SIAH3: variants seen among roughly 807,000 people sequenced by gnomAD.
SIAH3 encodes siah E3 ubiquitin protein ligase family member 3.
A neutral mutation model predicts 12.6 loss-of-function variants in SIAH3; 9 were observed. The ratio of observed to expected loss-of-function variants is 0.72; its 90% confidence interval spans 0.43 to 1.25. The LOEUF is 1.25. Among genes scored for constraint, SIAH3 ranks in the 50% most tolerant of loss-of-function variants. SIAH3 has a pLI of 0.00. For synonymous variants in SIAH3, 154 were observed against 151.1 expected (o/e 1.02, Z -0.14); for missense variants, 390 against 365.4 (o/e 1.07, Z -0.55).
chr13:45,803,428 T>C (rs915124848), intron 1 of SIAH3, among the ~76,000 whole-genome samples: 19 of 152,064 alleles, frequency 1.2e-4, no homozygotes, highest in African/African-American at 4.6e-4. Context: ...GTGTGATAAA[T>C]GCTATGATAG....
intron 1 of SIAH3, among the ~76,000 whole-genome samples, chr13:45,804,903 A>T (rs1454700104): frequency 6.6e-6 from 1 of 151,794 alleles, no homozygotes; most frequent in Non-Finnish European, 1.5e-5. Flanking sequence ...AAAAATTGGT[A>T]GCATTTTATA....
intron 1 of SIAH3, among the ~76,000 whole-genome samples, chr13:45,841,437 C>T (rs79032770): frequency 6.6e-6 from 1 of 152,178 alleles, no homozygotes; most frequent in Non-Finnish European, 1.5e-5. Flanking sequence ...CAGGGCCTAC[C>T]GTTTCCTTTC....
chr13:45,824,652 T>C (rs773768006), intron 1 of SIAH3, among the ~76,000 whole-genome samples: 5 of 151,442 alleles, frequency 3.3e-5, no homozygotes, highest in African/African-American at 1.2e-4. Flanking sequence ...GTGCTAAATG[T>C]CTTTGGACCT....
At chr13:45,814,836 C>T (rs1473677063) in intron 1 of SIAH3, among the ~76,000 whole-genome samples, 1 of 152,092 alleles carries the variant, frequency 6.6e-6, no homozygotes, top group Non-Finnish European at 1.5e-5. Flanking sequence ...GATTCTCCAG[C>T]CTCGGCCTCC....
At position 45,779,084 on chromosome 13, in the gene SIAH3, C is replaced by A. The variant is rs1228134777; in HGVS notation, c.*4299G>T. ...TACTTCCACCATGGCTAATTTCAAG[C>A]AATCACCATGACGTCACTAAATGTG... On this transcript the variant is annotated 3_prime_UTR_variant, in exon 2 of 2. Coordinates refer to ENST00000400405, the MANE Select transcript of SIAH3 (RefSeq NM_198849.3). 2 of 152,128 alleles carry A rather than the reference C, an allele frequency of 1.3e-5. No homozygotes were observed. Among genetic ancestry groups the A allele is most frequent in the Admixed American group, 6.6e-5 (1 of 15,260 alleles). 9.4% of individuals were successfully genotyped at this position (152,128 alleles called of 1,614,324 possible). A position where few individuals can be genotyped will look rare whatever the true frequency, so the allele number is the denominator to read the frequency against.
intron 1 of SIAH3, among the ~76,000 whole-genome samples, chr13:45,847,648 T>TGTGTGTGTGTGTGC (rs764131044): frequency 1.0e-4 from 15 of 150,626 alleles, no homozygotes; most frequent in Admixed American, 2.6e-4. Context: ...TGTGTGTGTG[T>TGTGTGTGTGTGTGC]GCACGTGTGT....
At chr13:45,788,624 A>C (rs1329010906) in intron 1 of SIAH3, among the ~76,000 whole-genome samples, 1 of 152,046 alleles carries the variant, frequency 6.6e-6, no homozygotes, top group Non-Finnish European at 1.5e-5. Context: ...GATCAGCCAC[A>C]CTCCCATGGT....
At chr13:45,832,718 T>A (rs1202268525) in intron 1 of SIAH3, among the ~76,000 whole-genome samples, 1 of 152,334 alleles carries the variant, frequency 6.6e-6, no homozygotes, top group East Asian at 1.9e-4. Flanking sequence ...ATATGGTAAT[T>A]CTATGTTAAA....
rs193134460 is a variant in SIAH3, at chr13:45,828,822, C to T, written c.135+22673G>A. Among the ~76,000 whole-genome samples, 7 of 152,286 alleles carry T rather than the reference C, an allele frequency of 4.6e-5. No individual in the cohort carries two copies. In the East Asian group the frequency reaches 1.2e-3, roughly 25 times the overall value. Reference sequence around the variant, plus strand: ...TGATGGTGAAGGGGAAACCTGCTTACCATGCAGAAAAGCCAGCATCTAGAC... The same window carrying T: ...TGATGGTGAAGGGGAAACCTGCTTATCATGCAGAAAAGCCAGCATCTAGAC... On this transcript the variant is annotated intron_variant, in intron 1 of 1. Coordinates refer to ENST00000400405, the MANE Select transcript of SIAH3 (RefSeq NM_198849.3).
chr13:45,805,506 G>A (rs1055925356), intron 1 of SIAH3, among the ~76,000 whole-genome samples: 1 of 152,116 alleles, frequency 6.6e-6, no homozygotes, highest in Admixed American at 6.5e-5. Flanking sequence ...AAATTGTGCT[G>A]GGATAATTAG....
At chr13:45,800,004 T>A (rs1566089283) in intron 1 of SIAH3, among the ~76,000 whole-genome samples, 1 of 152,244 alleles carries the variant, frequency 6.6e-6, no homozygotes. Flanking sequence ...CACAGATAAC[T>A]ATGGGTTGAT....
intron 1 of SIAH3, among the ~76,000 whole-genome samples, chr13:45,813,027 G>T (rs1003572647): frequency 1.3e-5 from 2 of 152,178 alleles, no homozygotes; most frequent in Non-Finnish European, 2.9e-5. Flanking sequence ...GAAGTGAGGG[G>T]GTGTCCTGCC....
At chr13:45,848,144 G>C (rs925030457) in intron 1 of SIAH3, among the ~76,000 whole-genome samples, 3 of 152,206 alleles carry the variant, frequency 2.0e-5, no homozygotes, top group African/African-American at 7.2e-5. Flanking sequence ...CCTGAAGTCT[G>C]CTCGTCACAT....
chr13:45,793,086 A>G lies in SIAH3; in HGVS notation c.136-9029T>C, dbSNP rs563173620. On this transcript the variant is annotated intron_variant, in intron 1 of 1. Coordinates refer to ENST00000400405, the MANE Select transcript of SIAH3 (RefSeq NM_198849.3). The stretch of plus-strand genomic sequence containing the variant: ...ACTTTAGAACCACAGCAGTGACTGG[A>G]CACCATGTCCAGAGATTGTCCCGCC... Among the ~76,000 whole-genome samples, 233 of 152,326 alleles carry G rather than the reference A, an allele frequency of 1.5e-3. 1 individual carries two copies. The highest frequency in any genetic ancestry group is 5.0e-3 in the African/African-American group (208 of 41,570).
At position 45,783,422 on chromosome 13, in the gene SIAH3, G is replaced by T; in HGVS notation, c.771C>A (p.Ile257=). The T allele has an allele frequency of 6.2e-7, 1 of 1,613,738 alleles. No individual in the cohort carries two copies. Among genetic ancestry groups the T allele is most frequent in the Non-Finnish European group, 8.5e-7 (1 of 1,179,678 alleles). ...DNGSLAIGIA[I]TATEVLPSEA... is the part of the protein sequence containing the mutation. Reference sequence around the variant, plus strand: ...CTGAGGGGAGGACCTCTGTCGCGGTGATGGCAATCCCAATGGCAAGGCTGC... The same window carrying T: ...CTGAGGGGAGGACCTCTGTCGCGGTTATGGCAATCCCAATGGCAAGGCTGC... Residue 257 remains isoleucine (I), a synonymous_variant, in exon 2 of 2, where the codon ATC becomes ATA. Transcript: ENST00000400405.
intron 1 of SIAH3, among the ~76,000 whole-genome samples, chr13:45,822,323 T>C (rs1950658647): frequency 6.6e-6 from 1 of 151,990 alleles, no homozygotes; most frequent in Non-Finnish European, 1.5e-5. Context: ...ACATATTTTC[T>C]TAGCAATCAT....
chr13:45,832,500 A>G (rs191979450), intron 1 of SIAH3, among the ~76,000 whole-genome samples: 15 of 152,290 alleles, frequency 9.8e-5, no homozygotes, highest in South Asian at 6.2e-4. Context: ...TTCAGGGTTT[A>G]CTCATGTAGG....
rs191648622 is a variant in SIAH3 at position 45,791,517 on chromosome 13, G to A, written c.136-7460C>T. Among the ~76,000 whole-genome samples the A allele has an allele frequency of 3.9e-5, 6 of 152,094 alleles. No individual in the cohort carries two copies. In the East Asian group the frequency reaches 1.2e-3, roughly 29 times the overall value. ...TAGAAATATGGTGTGTGTGTGTGTG[G>A]CCAAGTGTCCACGGCTGTGAGCTCC... is the stretch of plus-strand genomic sequence containing the variant. On this transcript the variant is annotated intron_variant, in intron 1 of 1. Transcript: ENST00000400405.
At chr13:45,814,532 T>C (rs1950627585) in intron 1 of SIAH3, among the ~76,000 whole-genome samples, 1 of 152,032 alleles carries the variant, frequency 6.6e-6, no homozygotes, top group African/African-American at 2.4e-5. Flanking sequence ...CGGAGCAGGT[T>C]TGCAGCCAAA....
Sources: gnomAD v4.1 joint callset for allele counts (sites outside exome capture counted in the v4.1 genomes callset) on GRCh38, gnomAD v4.1.1 for gene constraint, MANE v1.5 for transcripts, NCBI Gene and HGNC (gene_info 2026-07-23, HGNC 2026-07-21) for gene names.